The following PRKCZ variants were observed in gnomAD, a reference collection of about 807,000 sequenced individuals.
PRKCZ encodes the protein protein kinase C zeta type.
PRKCZ carries 33 observed loss-of-function variants against 79.5 expected under a neutral mutation model. That is an observed-to-expected ratio of 0.41 (90% CI 0.31 to 0.55). The LOEUF is 0.55. Among genes scored for constraint, PRKCZ ranks in the 20% least tolerant of loss-of-function variants. PRKCZ has a pLI of 0.19. For synonymous variants in PRKCZ, 342 were observed against 320.9 expected (o/e 1.07, Z -0.70); for missense variants, 578 against 813.5 (o/e 0.71, Z 3.52).
At chr1:2,147,604 C>G (rs931174090) in intron 7 of PRKCZ, among the ~76,000 whole-genome samples, 33 of 151,980 alleles carry the variant, frequency 2.2e-4, no homozygotes, top group Non-Finnish European at 3.5e-4. Context: ...ACTGACCTTT[C>G]CATCTATCCA....
intron 3 of PRKCZ, among the ~76,000 whole-genome samples, chr1:2,059,226 C>T (rs1660451764): frequency 6.6e-6 from 1 of 152,208 alleles, no homozygotes; most frequent in South Asian, 2.1e-4. Flanking sequence ...AGTCAGTGTT[C>T]AAAGTAATTG....
rs1684639247 is a variant in PRKCZ at position 2,172,577 on chromosome 1, C to G, written c.1285+189C>G. Among the ~76,000 whole-genome samples the G allele has an allele frequency of 6.6e-6, 1 of 152,252 alleles. No individual in the cohort carries two copies. Among genetic ancestry groups the G allele is most frequent in the African/African-American group, 2.4e-5 (1 of 41,478 alleles). ...AATTCTGGAAAACCTCCCATGTCCACTTGAGCAGCTCCTTGGGGAGGGCAC... is the reference window on the plus strand; with the variant it reads ...AATTCTGGAAAACCTCCCATGTCCAGTTGAGCAGCTCCTTGGGGAGGGCAC... On this transcript the variant is annotated intron_variant, in intron 13 of 17. Transcript: ENST00000378567. The surrounding 1 kb of genome is among the most constrained non-coding windows in gnomAD (Gnocchi z 7.8).
At chr1:2,105,704 C>G (rs1229829950) in intron 4 of PRKCZ, among the ~76,000 whole-genome samples, 1 of 152,112 alleles carries the variant, frequency 6.6e-6, no homozygotes, top group East Asian at 1.9e-4. Context: ...CTGGCCAGGT[C>G]TTTTTTCAAA....
rs262640 is a variant in PRKCZ, at chr1:2,175,323, C to T, written c.1575+10C>T. Reference sequence around the variant, plus strand: ...CATAGACTGGGACTTGGTAAAGCATCACAAAGCCTATTTGCACCCCCATCC... The same window carrying T: ...CATAGACTGGGACTTGGTAAAGCATTACAAAGCCTATTTGCACCCCCATCC... On this transcript the variant is annotated intron_variant, in intron 16 of 17. Coordinates refer to ENST00000378567, the MANE Select transcript of PRKCZ (RefSeq NM_002744.6). 6.2e-7 allele frequency: 1 copy of T among 1,608,124 alleles called. No individual in the cohort carries two copies. The highest frequency in any genetic ancestry group is 8.5e-7 in the Non-Finnish European group (1 of 1,175,814).
chr1:2,155,956 T>G lies in PRKCZ; in HGVS notation c.877-39T>G, dbSNP rs532748199. The G allele has an allele frequency of 4.3e-5, 68 of 1,574,578 alleles. No homozygotes were observed. In the African/African-American group the frequency reaches 8.5e-4, roughly 20 times the overall value. On this transcript the variant is annotated intron_variant, in intron 9 of 17. Coordinates refer to ENST00000378567, the MANE Select transcript of PRKCZ (RefSeq NM_002744.6). ...TTGCCCAGGATGCCTGTGAGGAGCA[T>G]TCGGGAGCCTCATTACCACTCCCTG...
At chr1:2,102,579 G>A (rs536592172) in intron 4 of PRKCZ, among the ~76,000 whole-genome samples, 210 of 152,148 alleles carry the variant, frequency 1.4e-3, no homozygotes, top group African/African-American at 3.9e-3. Context: ...TGATCCGCCC[G>A]CCTTGGCCTC....
intron 1 of PRKCZ, among the ~76,000 whole-genome samples, chr1:2,051,783 T>A (rs1315863154): frequency 6.6e-6 from 1 of 152,058 alleles, no homozygotes; most frequent in African/African-American, 2.4e-5. Context: ...GAACCTTGTC[T>A]TGGGGTCTCG....
At chr1:2,068,633 C>CT (rs1251820440) in intron 4 of PRKCZ, among the ~76,000 whole-genome samples, 1 of 152,236 alleles carries the variant, frequency 6.6e-6, no homozygotes, top group Admixed American at 6.5e-5. Flanking sequence ...ATGGACTTGT[C>CT]TTTTTGGAGG....
intron 10 of PRKCZ, among the ~76,000 whole-genome samples, chr1:2,158,861 A>G (rs1202450309): frequency 1.3e-5 from 2 of 151,954 alleles, no homozygotes; most frequent in African/African-American, 2.4e-5. Context: ...AGCGGCACCA[A>G]TCACTGTCCT....
chr1:2,115,823 C>T lies in PRKCZ; in HGVS notation c.335-19439C>T, dbSNP rs754361660. 3.9e-5 allele frequency among the ~76,000 whole-genome samples: 6 copies of T among 152,184 alleles called. No homozygotes were observed. In the East Asian group the frequency reaches 5.8e-4, roughly 15 times the overall value. ...AGAGCTTCCGTGCCCTCTCCAGGCACGCCACCCTCCAGCACCTTGGTATAT... is the reference window on the plus strand; with the variant it reads ...AGAGCTTCCGTGCCCTCTCCAGGCATGCCACCCTCCAGCACCTTGGTATAT... On this transcript the variant is annotated intron_variant, in intron 4 of 17. Transcript: ENST00000378567.
At chr1:2,114,252 C>T (rs571207823) in intron 4 of PRKCZ, among the ~76,000 whole-genome samples, 1 of 152,006 alleles carries the variant, frequency 6.6e-6, no homozygotes, top group East Asian at 1.9e-4. Flanking sequence ...ACGTGCTCTC[C>T]AGGGATCTGT....
At chr1:2,052,511 A>C (rs1571063851) in intron 1 of PRKCZ, among the ~76,000 whole-genome samples, 5 of 133,106 alleles carry the variant, frequency 3.8e-5, no homozygotes, top group East Asian at 2.2e-4. Flanking sequence ...CTCTTCCTTC[A>C]CCTTCCTCCC....
chr1:2,059,704 C>A, intron 4 of PRKCZ, 113 bp downstream of exon 4: 1 of 1,402,138 alleles, frequency 7.1e-7, no homozygotes, highest in Non-Finnish European at 1.0e-6. Context: ...CCTCGTGGAG[C>A]GTCAGGGCAG....
Position 2,136,745 on chromosome 1 carries a change from G to A in PRKCZ, c.420+1398G>A, listed in dbSNP as rs932551303. 6.6e-5 allele frequency among the ~76,000 whole-genome samples: 10 copies of A among 152,208 alleles called. 1 individual carries two copies. In the Middle Eastern group the frequency reaches 0.017, roughly 259 times the overall value. On this transcript the variant is annotated intron_variant, in intron 5 of 17. Coordinates refer to ENST00000378567, the MANE Select transcript of PRKCZ (RefSeq NM_002744.6). ...GGGAGTGTTGCAGCACAGAGATCCCGTCCGCACCCCAGCCCACCCTGGCCG... is the reference window on the plus strand; with the variant it reads ...GGGAGTGTTGCAGCACAGAGATCCCATCCGCACCCCAGCCCACCCTGGCCG...
intron 10 of PRKCZ, among the ~76,000 whole-genome samples, chr1:2,158,288 T>G (rs564351846): frequency 6.6e-6 from 1 of 152,260 alleles, no homozygotes; most frequent in Admixed American, 6.5e-5. Flanking sequence ...AGATCTGAAG[T>G]CTTTTTCCTG....
At chr1:2,167,939 A>T (rs918804352) in intron 10 of PRKCZ, among the ~76,000 whole-genome samples, 1 of 151,918 alleles carries the variant, frequency 6.6e-6, no homozygotes, top group Non-Finnish European at 1.5e-5. Context: ...TTCTTTCTTA[A>T]CGTTTTCTGA....
At chr1:2,051,941 G>A (rs1659702816) in intron 1 of PRKCZ, among the ~76,000 whole-genome samples, 1 of 152,192 alleles carries the variant, frequency 6.6e-6, no homozygotes, top group Admixed American at 6.5e-5. Context: ...GCCAGAACCA[G>A]AAGAAAGGGA....
intron 4 of PRKCZ, among the ~76,000 whole-genome samples, chr1:2,078,495 A>G (rs993016121): frequency 2.6e-5 from 4 of 152,052 alleles, no homozygotes; most frequent in African/African-American, 7.2e-5. Context: ...TTTTGTCTTC[A>G]GGGTTCTCAA....
At position 2,120,293 on chromosome 1, in the gene PRKCZ, G is replaced by GTTTT. The variant is rs59518072; in HGVS notation, c.335-14943_335-14940dup. Among the ~76,000 whole-genome samples, 24 of 32,826 alleles carry GTTTT rather than the reference G, an allele frequency of 7.3e-4. 5 individuals are homozygous for GTTTT. Among genetic ancestry groups the GTTTT allele is most frequent in the African/African-American group, 8.4e-4 (7 of 8,314 alleles). The allele number at this position is 32,826 out of a possible 152,430, so 21.5% of individuals were successfully genotyped here. On this transcript the variant is annotated intron_variant, in intron 4 of 17. Transcript: ENST00000378567. Reference sequence around the variant, plus strand: ...GGAAAATATCAGCCCTTGACTTTTCGTTTTTTTTTTTTTTTTTTTTTTTTT... The same window carrying GTTTT: ...GGAAAATATCAGCCCTTGACTTTTCGTTTTTTTTTTTTTTTTTTTTTTTTTTTTT...
Sources: gnomAD v4.1 joint callset for allele counts (sites outside exome capture counted in the v4.1 genomes callset) on GRCh38, gnomAD v4.1.1 for gene constraint, Gnocchi (gnomAD v3.1) non-coding constraint, MANE v1.5 for transcripts, NCBI Gene and HGNC (gene_info 2026-07-23, HGNC 2026-07-21) for gene names.